Variants in KCNT2 observed in about 807,000 individuals in gnomAD.
The protein encoded by KCNT2 is potassium channel subfamily T member 2.
A neutral mutation model predicts 153.8 loss-of-function variants in KCNT2; 67 were observed. The observed-to-expected ratio is 0.44, with a 90% confidence interval of 0.36 to 0.53. The LOEUF (loss-of-function observed/expected upper bound fraction) is 0.53, where lower values mean the gene tolerates loss of function less well. KCNT2 is among the 20% of genes least tolerant of loss of function. The probability of loss-of-function intolerance (pLI) is 0.00; values close to 1 mark genes in which losing one functional copy is unlikely to be tolerated. For missense variants in KCNT2, 975 were observed against 1,354.8 expected, an observed-to-expected ratio of 0.72 and a Z score of 4.40; for synonymous variants, 500 against 458.8, an observed-to-expected ratio of 1.09 and a Z score of -1.15.
intron 8 of KCNT2, among the ~76,000 whole-genome samples, chr1:196,437,620 T>C (rs771296917): frequency 6.6e-6 from 1 of 150,570 alleles, no homozygotes; most frequent in African/African-American, 2.4e-5. Flanking sequence ...TTTATAGTCA[T>C]TTACTTTCAA....
chr1:196,581,764 A>G (rs1662075954), intron 1 of KCNT2, among the ~76,000 whole-genome samples: 1 of 152,184 alleles, frequency 6.6e-6, no homozygotes, highest in Non-Finnish European at 1.5e-5. Context: ...ATTTACTAAA[A>G]GCTGTCATAA....
intron 26 of KCNT2, among the ~76,000 whole-genome samples, chr1:196,241,183 G>GTTTGT (rs976017501): frequency 2.7e-5 from 4 of 149,196 alleles, no homozygotes; most frequent in African/African-American, 1.0e-4. Flanking sequence ...GAGAAAGAGG[G>GTTTGT]TTTTGTTTTG....
At chr1:196,514,029 C>T (rs1208072397) in intron 1 of KCNT2, among the ~76,000 whole-genome samples, 1 of 152,142 alleles carries the variant, frequency 6.6e-6, no homozygotes, top group East Asian at 1.9e-4. Flanking sequence ...TTAATAACAT[C>T]TAAATATGAG....
In KCNT2 at chr1:196,282,216, A is replaced by G. The variant is rs541410824; in HGVS notation, c.2781+57T>C. ...GAAGAATTAGCAAAGTACACGGTAG[A>G]TAGATTTCAGAACCTTCTATCACAA... On this transcript the variant is annotated intron_variant, in intron 24 of 27. Transcript: ENST00000294725. The G allele has an allele frequency of 8.5e-5, 78 of 920,358 alleles. 2 individuals carry two copies. In the South Asian group the frequency reaches 1.1e-3, roughly 12 times the overall value. The allele number at this position is 920,358 out of a possible 1,614,324, so 57.0% of individuals were successfully genotyped here. A position where few individuals can be genotyped will look rare whatever the true frequency, so the allele number is the denominator to read the frequency against.
intron 1 of KCNT2, among the ~76,000 whole-genome samples, chr1:196,552,980 AAAAG>A (rs1256332169): frequency 6.6e-6 from 1 of 151,220 alleles, no homozygotes; most frequent in Non-Finnish European, 1.5e-5. Flanking sequence ...CAACTTCACT[AAAAG>A]AAAGACAGGA....
intron 25 of KCNT2, among the ~76,000 whole-genome samples, chr1:196,279,419 A>C (rs1256763924): frequency 2.0e-5 from 3 of 151,462 alleles, no homozygotes; most frequent in Non-Finnish European, 4.4e-5. Context: ...CTCCATTAAA[A>C]AATTTTTTTT....
intron 10 of KCNT2, 74 bp downstream of exon 10, chr1:196,428,031 C>A: frequency 8.8e-7 from 1 of 1,136,590 alleles, no homozygotes; most frequent in Non-Finnish European, 1.3e-6. Flanking sequence ...GCAGGCTGCA[C>A]CATCAGTTAA....
intron 14 of KCNT2, chr1:196,343,060 A>G: frequency 6.6e-6 from 1 of 152,198 alleles, no homozygotes; most frequent in East Asian, 1.9e-4. Flanking sequence ...CCTCACCAGC[A>G]CTGGATCATG....
At chr1:196,392,347 A>G (rs1177322195) in intron 13 of KCNT2, among the ~76,000 whole-genome samples, 1 of 151,158 alleles carries the variant, frequency 6.6e-6, no homozygotes, top group Admixed American at 6.6e-5. Flanking sequence ...CCACGATAAT[A>G]AAAAAAATCA....
At chr1:196,435,135 G>GTATATATATA (rs200431131) in intron 8 of KCNT2, among the ~76,000 whole-genome samples, 1 of 76,870 alleles carries the variant, frequency 1.3e-5, no homozygotes, top group Non-Finnish European at 2.6e-5. Flanking sequence ...GTGTGTGTGT[G>GTATATATATA]TATGTATATA....
chr1:196,282,145 C>T (rs1659171682), intron 24 of KCNT2, 128 bp downstream of exon 24: 3 of 482,864 alleles, frequency 6.2e-6, no homozygotes, highest in Non-Finnish European at 1.1e-5. Context: ...ATTTTAAAAA[C>T]TCAAATGCAT....
intron 1 of KCNT2, among the ~76,000 whole-genome samples, chr1:196,592,042 AAAG>A (rs1205518886): frequency 6.6e-6 from 1 of 152,158 alleles, no homozygotes; most frequent in Non-Finnish European, 1.5e-5. Context: ...CTGGCACTAC[AAAG>A]AAGAGGGAAG....
chr1:196,321,823 T>G (rs1336939422), intron 19 of KCNT2, among the ~76,000 whole-genome samples: 1 of 151,980 alleles, frequency 6.6e-6, no homozygotes, highest in Non-Finnish European at 1.5e-5. Flanking sequence ...ACATAAAGAA[T>G]AAATAAATTG....
chr1:196,378,543 A>G (rs1291759655), intron 13 of KCNT2, among the ~76,000 whole-genome samples: 1 of 151,836 alleles, frequency 6.6e-6, no homozygotes, highest in East Asian at 2.0e-4. Flanking sequence ...TATAGTAGCC[A>G]GTAAATGGCT....
At chr1:196,601,896 A>G (rs553383216) in intron 1 of KCNT2, among the ~76,000 whole-genome samples, 64 of 152,188 alleles carry the variant, frequency 4.2e-4, no homozygotes, top group Non-Finnish European at 8.5e-4. Context: ...GATGATTATA[A>G]CATATTGTTA....
intron 14 of KCNT2, among the ~76,000 whole-genome samples, chr1:196,358,247 T>TA (rs1034340574): frequency 1.3e-5 from 2 of 151,718 alleles, no homozygotes; most frequent in African/African-American, 2.4e-5. Context: ...TTTTTTTTTT[T>TA]AAATTTCAGC....
chr1:196,305,749 T>C lies in KCNT2; in HGVS notation c.2484-404A>G, dbSNP rs78848716. Among the ~76,000 whole-genome samples, 1,242 of 152,270 alleles carry C rather than the reference T, an allele frequency of 8.2e-3. 9 individuals are homozygous for C. Among genetic ancestry groups the C allele is most frequent in the African/African-American group, 0.029 (1,194 of 41,570 alleles). ...CACATAATGAGCTTCTTGTCTACTA[T>C]GTGAGCTCTTTCATGTCCTATGGCT... is the stretch of plus-strand genomic sequence containing the variant. On this transcript the variant is annotated intron_variant, in intron 21 of 27. Coordinates refer to ENST00000294725, the MANE Select transcript of KCNT2 (RefSeq NM_198503.5).
At chr1:196,426,022 C>G in intron 10 of KCNT2, 34 bp from the exon 11 acceptor site, 2 of 1,574,914 alleles carry the variant, frequency 1.3e-6, no homozygotes, top group Non-Finnish European at 1.7e-6. Flanking sequence ...GGAATAGAAA[C>G]AAAAATGTTT....
intron 14 of KCNT2, among the ~76,000 whole-genome samples, chr1:196,360,998 G>A (rs1411415243): frequency 6.6e-6 from 1 of 151,994 alleles, no homozygotes; most frequent in African/African-American, 2.4e-5. Context: ...GGAAAGAAAG[G>A]GAATGATATG....
Sources: allele counts gnomAD v4.1 joint callset (sites outside exome capture counted in the v4.1 genomes callset), GRCh38; gene constraint gnomAD v4.1.1; transcripts MANE v1.5; gene names NCBI Gene and HGNC (gene_info 2026-07-23, HGNC 2026-07-21).